Variants in CUX2 observed in about 807,000 individuals in gnomAD.
CUX2 encodes the protein cut like homeobox 2.
Under a neutral mutation model 144.8 loss-of-function variants are expected in CUX2, and 40 were observed. That is an observed-to-expected ratio of 0.28 (90% confidence interval 0.21 to 0.36). CUX2 has a LOEUF of 0.36. CUX2 is among the 10% of genes least tolerant of loss of function. CUX2 has a pLI of 1.00. For synonymous variants in CUX2, 827 were observed against 875.6 expected (o/e 0.94, Z 0.98); for missense variants, 1,615 against 1,994.0 (o/e 0.81, Z 3.62).
chr12:111,308,144 G>T, intron 12 of CUX2, 141 bp from the exon 13 acceptor site: 2 of 915,298 alleles, frequency 2.2e-6, no homozygotes, highest in South Asian at 1.5e-5. Flanking sequence ...GCCTGGGGTT[G>T]CAATGACTCT....
chr12:111,296,173 C>T (rs1413358995), intron 7 of CUX2, among the ~76,000 whole-genome samples: 6 of 152,166 alleles, frequency 3.9e-5, no homozygotes, highest in Non-Finnish European at 5.9e-5. Flanking sequence ...GACAGCACCA[C>T]GCCTCCACCC....
In CUX2 at chr12:111,256,861, T is replaced by C. The variant is rs79236771; in HGVS notation, c.223-6900T>C. On this transcript the variant is annotated intron_variant, in intron 3 of 21. Coordinates refer to ENST00000261726, the MANE Select transcript of CUX2 (RefSeq NM_015267.4). ...TTTCAAAGAAGATGCCTGGAGCACA[T>C]AGTAAGGCTTAGAACTTGGCACAGA... Among the ~76,000 whole-genome samples the C allele has an allele frequency of 7.2e-3, 1,096 of 152,172 alleles. 14 individuals carry two copies. The highest frequency in any genetic ancestry group is 0.025 in the African/African-American group (1,023 of 41,516).
chr12:111,350,441 C>T lies in CUX2; in HGVS notation c.*2116C>T, dbSNP rs928643669. On this transcript the variant is annotated 3_prime_UTR_variant, in exon 22 of 22. Transcript: ENST00000261726. ...TTCACGTCCTATAACGGTTAAAAAA[C>T]ACACACACACATACACAAACCGTTT... 1.3e-5 allele frequency: 2 copies of T among 152,244 alleles called. No individual in the cohort carries two copies. The highest frequency in any genetic ancestry group is 2.9e-5 in the Non-Finnish European group (2 of 68,004). The allele number at this position is 152,244 out of a possible 1,614,324, so 9.4% of individuals were successfully genotyped here. A position where few individuals can be genotyped will look rare whatever the true frequency, so the allele number is the denominator to read the frequency against.
chr12:111,186,496 C>T lies in CUX2; in HGVS notation c.64-27704C>T, dbSNP rs936772969. Among the ~76,000 whole-genome samples the T allele has an allele frequency of 7.9e-5, 12 of 152,106 alleles. No individual in the cohort carries two copies. Among genetic ancestry groups the T allele is most frequent in the African/African-American group, 1.9e-4 (8 of 41,430 alleles). On this transcript the variant is annotated intron_variant, in intron 1 of 21. Transcript: ENST00000261726. The surrounding 1 kb of genome is among the most constrained non-coding windows in gnomAD (Gnocchi z 4.4). Reference sequence around the variant, plus strand: ...AGGGCACACGCGCAGGTCCTGAGGTCGGGTGGGGAAGAGGGAACTGAGCAC... The same window carrying T: ...AGGGCACACGCGCAGGTCCTGAGGTTGGGTGGGGAAGAGGGAACTGAGCAC...
At chr12:111,044,019 G>A (rs1462168633) in intron 1 of CUX2, among the ~76,000 whole-genome samples, 3 of 152,168 alleles carry the variant, frequency 2.0e-5, no homozygotes, top group Non-Finnish European at 2.9e-5. Context: ...TGGGACACAC[G>A]GGACCCCTCT....
chr12:111,080,626 C>T (rs553852195), intron 1 of CUX2, among the ~76,000 whole-genome samples: 24 of 152,194 alleles, frequency 1.6e-4, no homozygotes, highest in African/African-American at 5.8e-4. Flanking sequence ...CTGCAGTGAT[C>T]GTACCACTGC....
chr12:111,048,363 A>C (rs1018301354), intron 1 of CUX2, among the ~76,000 whole-genome samples: 1 of 152,208 alleles, frequency 6.6e-6, no homozygotes, highest in Non-Finnish European at 1.5e-5. Flanking sequence ...TTGGGCACGC[A>C]AACGTTTCGA....
intron 3 of CUX2, among the ~76,000 whole-genome samples, chr12:111,251,835 G>A (rs183375187): frequency 6.6e-6 from 1 of 152,100 alleles, no homozygotes; most frequent in Non-Finnish European, 1.5e-5. Context: ...GGGTGCAGGG[G>A]ATGTTCATGT....
intron 1 of CUX2, among the ~76,000 whole-genome samples, chr12:111,153,348 C>T (rs1566257667): frequency 6.6e-6 from 1 of 152,160 alleles, no homozygotes; most frequent in Admixed American, 6.5e-5. Flanking sequence ...ACTTGACAAC[C>T]GGGATACATT....
chr12:111,121,154 G>A (rs960868333), intron 1 of CUX2, among the ~76,000 whole-genome samples: 1 of 150,804 alleles, frequency 6.6e-6, no homozygotes, highest in African/African-American at 2.4e-5. Flanking sequence ...TATTTTTGAG[G>A]GGGTGAATCA....
rs1886863819 is a variant in CUX2, at chr12:111,310,863, A to G, written c.1900+181A>G. Reference sequence around the variant, plus strand: ...AGTTTCCCCTCTGTAAAAGCAGGAAATACATCCTCGCTCTCTCCTTCCTGG... The same window carrying G: ...AGTTTCCCCTCTGTAAAAGCAGGAAGTACATCCTCGCTCTCTCCTTCCTGG... On this transcript the variant is annotated intron_variant, in intron 15 of 21. Coordinates refer to ENST00000261726, the MANE Select transcript of CUX2 (RefSeq NM_015267.4). The surrounding 1 kb of genome is among the most constrained non-coding windows in gnomAD (Gnocchi z 7.9). Among the ~76,000 whole-genome samples the G allele has an allele frequency of 6.6e-6, 1 of 152,232 alleles. No individual in the cohort carries two copies. Among genetic ancestry groups the G allele is most frequent in the South Asian group, 2.1e-4 (1 of 4,834 alleles).
chr12:111,125,672 T>C (rs1875015006), intron 1 of CUX2, among the ~76,000 whole-genome samples: 1 of 152,230 alleles, frequency 6.6e-6, no homozygotes, highest in African/African-American at 2.4e-5. Context: ...TTGTTTTTTC[T>C]TTTTGGCTGT....
At chr12:111,315,934 T>C (rs1347113568) in intron 16 of CUX2, among the ~76,000 whole-genome samples, 2 of 152,154 alleles carry the variant, frequency 1.3e-5, no homozygotes, top group Non-Finnish European at 2.9e-5. Flanking sequence ...ATATCGAGTA[T>C]GATCATGCGA....
intron 4 of CUX2, among the ~76,000 whole-genome samples, chr12:111,268,582 C>G (rs1201506612): frequency 6.6e-6 from 1 of 152,242 alleles, no homozygotes; most frequent in Non-Finnish European, 1.5e-5. Context: ...ATGGCAAGAG[C>G]TGATGGCACA....
intron 1 of CUX2, among the ~76,000 whole-genome samples, chr12:111,136,245 G>A (rs1875880768): frequency 6.6e-6 from 1 of 152,106 alleles, no homozygotes; most frequent in African/African-American, 2.4e-5. Flanking sequence ...GCGATTCTCG[G>A]TAGAATTTAA....
chr12:111,111,876 G>A (rs1053120655), intron 1 of CUX2, among the ~76,000 whole-genome samples: 2 of 152,068 alleles, frequency 1.3e-5, no homozygotes, highest in African/African-American at 4.8e-5. Flanking sequence ...TGAAAGCTTT[G>A]AACTTGCAGA....
chr12:111,053,649 T>C (rs1716923354), intron 1 of CUX2, among the ~76,000 whole-genome samples: 1 of 152,250 alleles, frequency 6.6e-6, no homozygotes, highest in South Asian at 2.1e-4. Context: ...TGGCCCTCTT[T>C]CCCTGACTCT....
At chr12:111,154,390 G>A (rs1177087471) in intron 1 of CUX2, among the ~76,000 whole-genome samples, 1 of 152,108 alleles carries the variant, frequency 6.6e-6, no homozygotes, top group Non-Finnish European at 1.5e-5. Context: ...CCAGGCAGGA[G>A]CCCAGGCCAC....
chr12:111,086,438 A>T (rs539637483), intron 1 of CUX2, among the ~76,000 whole-genome samples: 1 of 152,348 alleles, frequency 6.6e-6, no homozygotes, highest in Admixed American at 6.5e-5. Context: ...GATTGAGGTG[A>T]TCAGCATTTA....
Sources: gnomAD v4.1 joint callset for allele counts (sites outside exome capture counted in the v4.1 genomes callset) on GRCh38, gnomAD v4.1.1 for gene constraint, Gnocchi (gnomAD v3.1) non-coding constraint, MANE v1.5 for transcripts, NCBI Gene and HGNC (gene_info 2026-07-23, HGNC 2026-07-21) for gene names.